Variants in CDKL5 observed in about 807,000 individuals in gnomAD.
CDKL5 encodes cyclin dependent kinase like 5, also known as cyclin-dependent kinase-like 5.
A neutral mutation model predicts 61.7 loss-of-function variants in CDKL5; 8 were observed. That is an observed-to-expected ratio of 0.13 (90% CI 0.08 to 0.23). The LOEUF is 0.23. Ranked by LOEUF, CDKL5 falls within the 10% of genes least tolerant of loss-of-function variation. The probability of loss-of-function intolerance (pLI) is 1.00; values close to 1 mark genes in which losing one functional copy is unlikely to be tolerated. For missense variants in CDKL5, 440 were observed against 734.5 expected (o/e 0.60, Z 4.63); for synonymous variants, 275 against 272.3 (o/e 1.01, Z -0.10).
At chrX:18,583,802 A>G (rs1925556608) in intron 7 of CDKL5, among the ~76,000 whole-genome samples, 1 of 112,199 alleles carries the variant, frequency 8.9e-6, no homozygotes, top group Admixed American at 9.5e-5. Context: ...TGTAAAGGCT[A>G]GAATTGCTCA....
At chrX:18,471,409 G>A (rs1921091191) in intron 1 of CDKL5, among the ~76,000 whole-genome samples, 2 of 111,050 alleles carry the variant, frequency 1.8e-5, no homozygotes, top group South Asian at 7.5e-4. Flanking sequence ...GTCTTGTTCT[G>A]TTGCCCAGGC....
At chrX:18,554,682 C>T (rs1924536755) in intron 3 of CDKL5, among the ~76,000 whole-genome samples, 1 of 111,035 alleles carries the variant, frequency 9.0e-6, no homozygotes, top group African/African-American at 3.3e-5. Flanking sequence ...TCCCAAAGTG[C>T]TGGGATTACA....
At chrX:18,549,581 A>G (rs912736504) in intron 3 of CDKL5, among the ~76,000 whole-genome samples, 1 of 112,020 alleles carries the variant, frequency 8.9e-6, no homozygotes, top group African/African-American at 3.2e-5. Flanking sequence ...TGTCCCCAGG[A>G]AAGAGAGCAG....
intron 1 of CDKL5, among the ~76,000 whole-genome samples, chrX:18,484,338 A>G (rs1204860798): frequency 1.9e-5 from 2 of 105,403 alleles, no homozygotes; most frequent in South Asian, 4.3e-4. Flanking sequence ...TGGGGGGGGG[A>G]CAGTCTCGCC....
At chrX:18,618,319 G>A (rs1483479892) in intron 15 of CDKL5, among the ~76,000 whole-genome samples, 4 of 111,730 alleles carry the variant, frequency 3.6e-5, no homozygotes, top group South Asian at 3.8e-4. Context: ...ATTGTGGAAC[G>A]ACATAGCTTT....
intron 7 of CDKL5, among the ~76,000 whole-genome samples, chrX:18,583,168 AAATAT>A (rs1925536214): frequency 8.9e-6 from 1 of 111,915 alleles, no homozygotes; most frequent in Non-Finnish European, 1.9e-5. Context: ...AGCAAGTTAT[AAATAT>A]AAAAGAATGC....
rs887229382 is a variant in CDKL5, at chrX:18,592,676, C to T, written c.745-2672C>T. 2.7e-5 allele frequency among the ~76,000 whole-genome samples: 3 copies of T among 112,292 alleles called. No individual in the cohort carries two copies. The Admixed American group carries it at 2.8e-4, about 11-fold the overall frequency. On this transcript the variant is annotated intron_variant, in intron 9 of 17. Transcript: ENST00000623535. ...GGTGTTTTAACTAAATTAGTTTAATCTCTTTGGAGGCTTGACAATATCTTT... is the reference window on the plus strand; with the variant it reads ...GGTGTTTTAACTAAATTAGTTTAATTTCTTTGGAGGCTTGACAATATCTTT...
intron 3 of CDKL5, among the ~76,000 whole-genome samples, chrX:18,530,839 G>T (rs1158545006): frequency 8.9e-6 from 1 of 111,972 alleles, no homozygotes. Context: ...GTTTAATGAT[G>T]TAGGTATAGA....
At chrX:18,555,182 C>T (rs1237399474) in intron 3 of CDKL5, among the ~76,000 whole-genome samples, 1 of 110,578 alleles carries the variant, frequency 9.0e-6, no homozygotes, top group East Asian at 2.8e-4. Flanking sequence ...TTTAGTGGCA[C>T]TCTTGGTCTC....
intron 15 of CDKL5, among the ~76,000 whole-genome samples, chrX:18,619,307 A>T (rs1047874270): frequency 9.1e-6 from 1 of 110,172 alleles, no homozygotes; most frequent in African/African-American, 3.3e-5. Flanking sequence ...TTTTTTTCTT[A>T]ACTATTTTTA....
chrX:18,621,778 G>A (rs1476540719), intron 16 of CDKL5, among the ~76,000 whole-genome samples: 1 of 111,188 alleles, frequency 9.0e-6, no homozygotes, highest in Non-Finnish European at 1.9e-5. Flanking sequence ...AAATCAAAAT[G>A]CCACTCAGTC....
intron 14 of CDKL5, 57 bp downstream of exon 14, chrX:18,609,627 T>G: frequency 8.3e-7 from 1 of 1,200,155 alleles, no homozygotes; most frequent in Non-Finnish European, 1.1e-6. Flanking sequence ...TCACTTTATG[T>G]GCACACTGCT....
rs1168833985 is a variant in CDKL5, at chrX:18,629,006, T to TA, written c.*250dup. ...CCCACAGGTCTTGTGTGAGAATAGA[T>TA]AGAGTGTGCCATTGAGGAAGAAGAA... On this transcript the variant is annotated 3_prime_UTR_variant, in exon 18 of 18. Transcript: ENST00000623535. 33 of 951,828 alleles carry TA rather than the reference T, an allele frequency of 3.5e-5. No individual in the cohort carries two copies. The highest frequency in any genetic ancestry group is 4.2e-5 in the Non-Finnish European group (32 of 765,141). The allele number at this position is 951,828 out of a possible 1,213,427, so 78.4% of individuals were successfully genotyped here. A position where few individuals can be genotyped will look rare whatever the true frequency, so the allele number is the denominator to read the frequency against.
In CDKL5 at chrX:18,582,278, A is replaced by G. The variant is rs144660823; in HGVS notation, c.463+328A>G. On this transcript the variant is annotated intron_variant, in intron 7 of 17. Transcript: ENST00000623535. ...TCCAGGTTTAATCATGAACACTAAA[A>G]TATCCCTCTGTAAATACACATAAGT... Among the ~76,000 whole-genome samples the G allele has an allele frequency of 1.2e-3, 140 of 112,085 alleles. 1 individual carries two copies. In the East Asian group the frequency reaches 0.037, roughly 30 times the overall value.
chrX:18,495,892 C>T (rs747398109), intron 1 of CDKL5, among the ~76,000 whole-genome samples: 1 of 111,976 alleles, frequency 8.9e-6, no homozygotes, highest in South Asian at 3.7e-4. Flanking sequence ...CCTTATAATA[C>T]TTGTCACTGT....
At chrX:18,499,361 GTTT>G (rs1192828653) in intron 1 of CDKL5, among the ~76,000 whole-genome samples, 2 of 83,488 alleles carry the variant, frequency 2.4e-5, no homozygotes. Context: ...TTCAGTCTTT[GTTT>G]TTTTTTTTTT....
At chrX:18,521,626 G>A (rs1413732903) in intron 3 of CDKL5, among the ~76,000 whole-genome samples, 3 of 112,362 alleles carry the variant, frequency 2.7e-5, no homozygotes, top group African/African-American at 6.5e-5. Context: ...CGTAGTGGAT[G>A]AAGTCTGAGG....
At chrX:18,537,755 A>G (rs561894305) in intron 3 of CDKL5, among the ~76,000 whole-genome samples, 2 of 112,610 alleles carry the variant, frequency 1.8e-5, no homozygotes, top group African/African-American at 6.5e-5. Flanking sequence ...GGAATGATAC[A>G]ATATTTAACC....
chrX:18,441,964 T>C (rs1931755512), intron 1 of CDKL5, among the ~76,000 whole-genome samples: 2 of 111,290 alleles, frequency 1.8e-5, no homozygotes, highest in African/African-American at 6.5e-5. Flanking sequence ...TGTATTGGGC[T>C]CAATGTGGAA....
Sources: allele counts gnomAD v4.1 joint callset (sites outside exome capture counted in the v4.1 genomes callset), GRCh38; gene constraint gnomAD v4.1.1; transcripts MANE v1.5; gene names NCBI Gene and HGNC (gene_info 2026-07-23, HGNC 2026-07-21).